The following HINFP variants were observed in gnomAD, a reference collection of about 807,000 sequenced individuals.
HINFP encodes the protein MBD2 (methyl-CpG-binding protein)-interacting zinc finger protein.
Under a neutral mutation model 50.1 loss-of-function variants are expected in HINFP, and 20 were observed. That is an observed-to-expected ratio of 0.40 (90% confidence interval 0.28 to 0.58). The LOEUF (loss-of-function observed/expected upper bound fraction) is 0.58. Ranked by LOEUF, HINFP falls within the 20% of genes least tolerant of loss-of-function variation. The pLI, the probability that HINFP is intolerant of heterozygous loss-of-function variation, is 0.45. For synonymous variants in HINFP, 247 were observed against 243.7 expected (o/e 1.01, Z -0.13); for missense variants, 505 against 664.1 (o/e 0.76, Z 2.63).
intron 2 of HINFP, among the ~76,000 whole-genome samples, chr11:119,129,490 C>CTTTTTTTTCTT (rs776476604): frequency 8.1e-6 from 1 of 124,190 alleles, no homozygotes; most frequent in African/African-American, 3.1e-5. Flanking sequence ...TTTTTCTTTT[C>CTTTTTTTTCTT]TTTTTTTTTT....
In HINFP at chr11:119,134,288, C is replaced by T. The variant is rs1253708924; in HGVS notation, c.1344C>T (p.Ser448=). 3.7e-6 allele frequency: 6 copies of T among 1,614,052 alleles called. No individual in the cohort carries two copies. Among genetic ancestry groups the T allele is most frequent in the South Asian group, 1.1e-5 (1 of 91,072 alleles). Residue 448 remains serine (S), a synonymous_variant, in exon 10 of 10, where the codon AGC becomes AGT. Coordinates refer to ENST00000350777, the MANE Select transcript of HINFP (RefSeq NM_198971.3). The surrounding 1 kb of genome is among the most constrained non-coding windows in gnomAD (Gnocchi z 4.3). ...AAGAGGAAGAGGAGGGCAAGGGTAG[C>T]GAAGGGACAGCCCTCTCAGCCTCTC... ...RKEEEEEGKG[S]EGTALSASQD... is the part of the protein sequence containing the mutation.
chr11:119,127,857 ATTTT>A (rs1019976154), intron 2 of HINFP, among the ~76,000 whole-genome samples: 1 of 137,558 alleles, frequency 7.3e-6, no homozygotes. Context: ...CCACCTTCCA[ATTTT>A]TTTTTTTTTT....
intron 1 of HINFP, 132 bp downstream of exon 1, chr11:119,121,771 C>T (rs1026793925): frequency 6.6e-6 from 1 of 152,468 alleles, no homozygotes; most frequent in Non-Finnish European, 1.5e-5. Flanking sequence ...CTGGAACCTC[C>T]CTGCTTTCTA....
rs1235812611 is a variant in HINFP, at chr11:119,121,643, A to C, written c.-11+4A>C. On this transcript the variant is annotated splice_donor_region_variant and intron_variant, in intron 1 of 9. Transcript: ENST00000350777. ...AGAGACCTGGAGCCGACAGACGGTAAGCTGGGGTATGTGCTCTGCAGGGGC... is the reference window on the plus strand; with the variant it reads ...AGAGACCTGGAGCCGACAGACGGTACGCTGGGGTATGTGCTCTGCAGGGGC... 1 of 152,458 alleles carries C rather than the reference A, an allele frequency of 6.6e-6. No homozygotes were observed. Among genetic ancestry groups the C allele is most frequent in the Non-Finnish European group, 1.5e-5 (1 of 68,208 alleles). 9.4% of individuals were successfully genotyped at this position (152,458 alleles called of 1,614,324 possible). A position where few individuals can be genotyped will look rare whatever the true frequency, so the allele number is the denominator to read the frequency against.
intron 1 of HINFP, among the ~76,000 whole-genome samples, chr11:119,123,453 C>CA (rs750257862): frequency 1.3e-5 from 2 of 152,118 alleles, no homozygotes; most frequent in Non-Finnish European, 2.9e-5. Flanking sequence ...CTGTAATAGT[C>CA]AGAGGAGGTG....
In HINFP at chr11:119,134,477, G is replaced by A. The variant is rs1565805162; in HGVS notation, c.1533G>A (p.Glu511=). The change falls in exon 10 of 10, where the codon GAG becomes GAA. Residue 511 remains glutamate, a synonymous_variant. Transcript: ENST00000350777. The surrounding 1 kb of genome is among the most constrained non-coding windows in gnomAD (Gnocchi z 4.3). The part of the protein sequence containing the change: ...IMEKLQGIAE[E]PEIQMV Reference sequence around the variant, plus strand: ...AAAAGCTTCAAGGAATAGCTGAGGAGCCAGAGATCCAGATGGTTTGAAGGC... The same window carrying A: ...AAAAGCTTCAAGGAATAGCTGAGGAACCAGAGATCCAGATGGTTTGAAGGC... 2 of 1,606,276 alleles carry A rather than the reference G, an allele frequency of 1.2e-6. No individual in the cohort carries two copies.
intron 9 of HINFP, 151 bp from the exon 10 acceptor site, chr11:119,133,933 T>C: frequency 1.0e-6 from 1 of 985,160 alleles, no homozygotes; most frequent in Non-Finnish European, 1.5e-6. Context: ...CTTCTACATA[T>C]TCCAATAAAG....
At chr11:119,133,896 A>G in intron 9 of HINFP, 188 bp from the exon 10 acceptor site, 1 of 701,662 alleles carries the variant, frequency 1.4e-6, no homozygotes, top group Non-Finnish European at 2.3e-6. Flanking sequence ...TTCCATTTTG[A>G]GTAATGATCT....
At chr11:119,132,450 C>T (rs1310639372) in intron 5 of HINFP, 46 bp from the exon 6 acceptor site, 1 of 1,598,636 alleles carries the variant, frequency 6.3e-7, no homozygotes, top group Non-Finnish European at 8.6e-7. Flanking sequence ...CTGTGCCTCT[C>T]CACTATCACC....
intron 2 of HINFP, among the ~76,000 whole-genome samples, chr11:119,128,374 C>T (rs769342218): frequency 2.6e-5 from 4 of 152,018 alleles, no homozygotes; most frequent in African/African-American, 7.3e-5. Flanking sequence ...GGTGCAATCT[C>T]GGCTCACTGC....
chr11:119,130,840 G>C lies in HINFP; in HGVS notation c.297G>C (p.Gly99=), dbSNP rs1486821939. Residue 99 remains glycine, a synonymous_variant, in exon 3 of 10, where the codon GGG becomes GGC. Transcript: ENST00000350777. Reference sequence around the variant, plus strand: ...ACCACACCAAGCTGAAACAGTGGGGGCTGCAGGCCTTGCAAAGCCAGGCTG... The same window carrying C: ...ACCACACCAAGCTGAAACAGTGGGGCCTGCAGGCCTTGCAAAGCCAGGCTG... The part of the protein sequence containing the change: ...HCYHTKLKQW[G]LQALQSQADL... The C allele has an allele frequency of 6.2e-7, 1 of 1,614,054 alleles. No homozygotes were observed. The highest frequency in any genetic ancestry group is 8.5e-7 in the Non-Finnish European group (1 of 1,180,032).
intron 1 of HINFP, chr11:119,125,729 A>ACC (rs1240904745): frequency 1.3e-5 from 2 of 152,126 alleles, no homozygotes; most frequent in Admixed American, 1.3e-4. Context: ...GTGTATAGAC[A>ACC]CCCAAGGTGC....
intron 1 of HINFP, among the ~76,000 whole-genome samples, chr11:119,122,209 A>C (rs673454): frequency 0.64 from 97,436 of 151,976 alleles, 32,542 homozygotes; most frequent in African/African-American, 0.81. Context: ...TAGAAACAAG[A>C]GACACAGAAA....
At chr11:119,127,489 T>G (rs1254495226) in intron 2 of HINFP, 2 of 157,530 alleles carry the variant, frequency 1.3e-5, no homozygotes, top group African/African-American at 4.8e-5. Flanking sequence ...TTTTTTTTTT[T>G]TTTTACTCTT....
chr11:119,132,787 G>A lies in HINFP; in HGVS notation c.875+6G>A, dbSNP rs1947843744. The A allele has an allele frequency of 5.0e-6, 8 of 1,613,428 alleles. No homozygotes were observed. Among genetic ancestry groups the A allele is most frequent in the Non-Finnish European group, 6.8e-6 (8 of 1,180,046 alleles). ...TGTGACTGTTGTGACTACAGGTAAGGGGGACCAGGGACCAGAAAACAGCTC... is the reference window on the plus strand; with the variant it reads ...TGTGACTGTTGTGACTACAGGTAAGAGGGACCAGGGACCAGAAAACAGCTC... On this transcript the variant is annotated splice_donor_region_variant and intron_variant, in intron 7 of 9. Transcript: ENST00000350777.
intron 1 of HINFP, chr11:119,124,410 C>T (rs1017915769): frequency 2.0e-5 from 3 of 152,060 alleles, no homozygotes; most frequent in Non-Finnish European, 2.9e-5. Flanking sequence ...AGCAAGAATC[C>T]GTGAGAATTC....
chr11:119,129,079 T>G lies in HINFP; in HGVS notation c.182-1646T>G, dbSNP rs150364960. 6.1e-3 allele frequency among the ~76,000 whole-genome samples: 924 copies of G among 152,208 alleles called. 10 individuals carry two copies. Among genetic ancestry groups the G allele is most frequent in the African/African-American group, 0.022 (893 of 41,532 alleles). ...AGAGTAAGATGGAGTCTTACTCTGT[T>G]GCTCAGGCTAGAGTGCAATGGCATG... On this transcript the variant is annotated intron_variant, in intron 2 of 9. Coordinates refer to ENST00000350777, the MANE Select transcript of HINFP (RefSeq NM_198971.3).
chr11:119,124,764 A>T (rs1016125700), intron 1 of HINFP: 3 of 152,048 alleles, frequency 2.0e-5, no homozygotes, highest in Admixed American at 6.6e-5. Flanking sequence ...ACCTGAGGAC[A>T]GGAGTTCGAG....
At chr11:119,129,985 T>C (rs1318320186) in intron 2 of HINFP, 1 of 152,236 alleles carries the variant, frequency 6.6e-6, no homozygotes, top group African/African-American at 2.4e-5. Flanking sequence ...TTTTCTAAAG[T>C]ATCTGTGTTT....
Sources: gnomAD v4.1 joint callset for allele counts (sites outside exome capture counted in the v4.1 genomes callset) on GRCh38, gnomAD v4.1.1 for gene constraint, Gnocchi (gnomAD v3.1) non-coding constraint, MANE v1.5 for transcripts, NCBI Gene and HGNC (gene_info 2026-07-23, HGNC 2026-07-21) for gene names.